The following TNR variants were observed in gnomAD, a reference collection of about 807,000 sequenced individuals.
TNR encodes the protein tenascin-R.
In TNR, 45 loss-of-function variants were observed where a neutral mutation model predicts 150.4. The ratio of observed to expected loss-of-function variants is 0.30; its 90% CI spans 0.24 to 0.38. The LOEUF (loss-of-function observed/expected upper bound fraction) is 0.38. Among genes scored for constraint, TNR ranks in the 10% least tolerant of loss-of-function variants. The pLI, the probability that TNR is intolerant of heterozygous loss-of-function variation, is 1.00. For missense variants in TNR, 1,544 were observed against 1,759.1 expected, an observed-to-expected ratio of 0.88 and a Z score of 2.19; for synonymous variants, 687 against 678.4, an observed-to-expected ratio of 1.01 and a Z score of -0.20.
At chr1:175,536,096 A>G (rs1187127839) in intron 1 of TNR, among the ~76,000 whole-genome samples, 7 of 152,252 alleles carry the variant, frequency 4.6e-5, no homozygotes, top group Non-Finnish European at 1.0e-4. Flanking sequence ...GTGTTAATAA[A>G]GAAACACATA....
chr1:175,539,623 C>A (rs1358497662), intron 1 of TNR, among the ~76,000 whole-genome samples: 1 of 152,202 alleles, frequency 6.6e-6, no homozygotes, highest in Non-Finnish European at 1.5e-5. Flanking sequence ...GACCCTCTCC[C>A]ATTTGCCTCA....
chr1:175,656,184 GTGTGTGTA>G lies in TNR; in HGVS notation c.-165+87034_-165+87041del, dbSNP rs1239694455. Among the ~76,000 whole-genome samples the G allele has an allele frequency of 7.4e-4, 108 of 145,838 alleles. 1 individual carries two copies. Among genetic ancestry groups the G allele is most frequent in the African/African-American group, 1.3e-3 (46 of 36,386 alleles). On this transcript the variant is annotated intron_variant, in intron 1 of 22. Transcript: ENST00000367674. ...TGTGTGTGTGTGTGTGTGTGTGTGTGTGTGTGTATGTGGTCTACCTTTTTCTAATTTGC... is the reference window on the plus strand; with the variant it reads ...TGTGTGTGTGTGTGTGTGTGTGTGTGTGTGGTCTACCTTTTTCTAATTTGC...
intron 20 of TNR, among the ~76,000 whole-genome samples, chr1:175,331,058 TTTC>T (rs1649798445): frequency 4.5e-4 from 52 of 116,248 alleles, no homozygotes; most frequent in African/African-American, 1.7e-3. Flanking sequence ...TCTTTCTTTC[TTTC>T]TTTCTTTCTT....
intron 2 of TNR, among the ~76,000 whole-genome samples, chr1:175,481,456 C>T (rs559577666): frequency 5.2e-4 from 79 of 152,208 alleles, no homozygotes; most frequent in Middle Eastern, 3.4e-3. Flanking sequence ...GTAAGACCCT[C>T]GTTGGAGGAA....
intron 22 of TNR, 91 bp downstream of exon 22, chr1:175,324,265 A>G: frequency 7.6e-7 from 1 of 1,324,196 alleles, no homozygotes; most frequent in Non-Finnish European, 1.0e-6. Context: ...AGGGAAATGA[A>G]GGACTCACAT....
In TNR at chr1:175,396,604, T is replaced by A. The variant is rs754167943; in HGVS notation, c.1180A>T (p.Ser394Cys). 8.7e-6 allele frequency: 14 copies of A among 1,614,230 alleles called. No homozygotes were observed. ...ATGTTGCTAATGACAGCGTAGACGC[T>A]GATGTTGTAGGTGAGACCTGGCTCC... ...ELEPGLTYNI[S>C]VYAVISNILS... The change falls in exon 5 of 23, where the codon AGC becomes TGC. Residue 394 changes from serine to cysteine, a missense_variant. Physicochemically the swap from Ser to Cys is moderately radical, Grantham distance 112 (BLOSUM62 -1). Coordinates refer to ENST00000367674, the MANE Select transcript of TNR (RefSeq NM_003285.3).
At chr1:175,448,921 G>C (rs1410597787) in intron 2 of TNR, among the ~76,000 whole-genome samples, 2 of 152,178 alleles carry the variant, frequency 1.3e-5, no homozygotes, top group Admixed American at 1.3e-4. Context: ...ACAGAAGAGT[G>C]GTCTGGTCAA....
rs372745443 is a variant in TNR at position 175,379,583 on chromosome 1, G to A, written c.1932C>T (p.Gly644=). The change falls in exon 9 of 23, where the codon GGC becomes GGT. Residue 644 remains glycine, a synonymous_variant. Coordinates refer to ENST00000367674, the MANE Select transcript of TNR (RefSeq NM_003285.3). ...GGGTGGCCCTGGTGGTTGGACCAAT[G>A]CCCCTGGGGACCAGTACCTCATGAT... ...EQYHEVLVPR[G]IGPTTRATLT... 6.2e-6 allele frequency: 10 copies of A among 1,613,850 alleles called. No individual in the cohort carries two copies. The highest frequency in any genetic ancestry group is 4.4e-5 in the South Asian group (4 of 91,060).
intron 2 of TNR, among the ~76,000 whole-genome samples, chr1:175,419,510 T>C (rs1654655706): frequency 6.6e-6 from 1 of 152,098 alleles, no homozygotes. Flanking sequence ...ATATCTGAAA[T>C]AACTTGTGCA....
intron 2 of TNR, among the ~76,000 whole-genome samples, chr1:175,427,888 CG>C (rs1353473227): frequency 4.7e-5 from 3 of 63,446 alleles, no homozygotes; most frequent in African/African-American, 1.5e-4. Context: ...CTCCCTTCTT[CG>C]CTTCCTTCCT....
intron 2 of TNR, among the ~76,000 whole-genome samples, chr1:175,430,941 A>C (rs1043896742): frequency 6.6e-6 from 1 of 152,216 alleles, no homozygotes; most frequent in South Asian, 2.1e-4. Context: ...AACTATTTAA[A>C]GTATTTTGGA....
chr1:175,529,356 T>C (rs1659975811), intron 1 of TNR, among the ~76,000 whole-genome samples: 1 of 152,150 alleles, frequency 6.6e-6, no homozygotes, highest in Admixed American at 6.5e-5. Flanking sequence ...AAATTAACCT[T>C]CCCTGGAGGA....
rs571785650 is a variant in TNR, at chr1:175,517,611, G to A, written c.-64+10658C>T. 3.3e-5 allele frequency among the ~76,000 whole-genome samples: 5 copies of A among 152,274 alleles called. No homozygotes were observed. In the South Asian group the frequency reaches 8.3e-4, roughly 25 times the overall value. On this transcript the variant is annotated intron_variant, in intron 2 of 22. Transcript: ENST00000367674. ...GTCCCCAATGGATAGAATTGGACTC[G>A]CCATGAGGTGAGACCTACGAATCTG...
At chr1:175,738,109 C>A (rs190250827) in intron 1 of TNR, among the ~76,000 whole-genome samples, 2 of 152,106 alleles carry the variant, frequency 1.3e-5, no homozygotes, top group African/African-American at 4.8e-5. Flanking sequence ...TATCCTCCTC[C>A]GTTTGCCTCC....
At chr1:175,397,059 AATTT>A (rs1653462224) in intron 4 of TNR, among the ~76,000 whole-genome samples, 1 of 152,172 alleles carries the variant, frequency 6.6e-6, no homozygotes, top group African/African-American at 2.4e-5. Context: ...CTGATTGTCA[AATTT>A]TCAGGACTGT....
At chr1:175,607,336 G>A (rs866192529) in intron 1 of TNR, among the ~76,000 whole-genome samples, 23 of 152,306 alleles carry the variant, frequency 1.5e-4, no homozygotes, top group Middle Eastern at 3.4e-3. Context: ...GGAATCCCTG[G>A]CACTACAGTC....
At chr1:175,659,707 C>A (rs1009926856) in intron 1 of TNR, among the ~76,000 whole-genome samples, 2 of 152,192 alleles carry the variant, frequency 1.3e-5, no homozygotes, top group African/African-American at 4.8e-5. Context: ...TTTCTCACAG[C>A]GTCATTCTGT....
chr1:175,573,912 T>G (rs890565655), intron 1 of TNR, among the ~76,000 whole-genome samples: 2 of 152,220 alleles, frequency 1.3e-5, no homozygotes, highest in African/African-American at 4.8e-5. Context: ...CAATAAGGCT[T>G]GGCATGAGCA....
At chr1:175,489,445 A>T (rs1375110203) in intron 2 of TNR, among the ~76,000 whole-genome samples, 1 of 152,182 alleles carries the variant, frequency 6.6e-6, no homozygotes, top group African/African-American at 2.4e-5. Flanking sequence ...GATCATCCCA[A>T]ACACCCTGTG....
Sources: gnomAD v4.1 joint callset for allele counts (sites outside exome capture counted in the v4.1 genomes callset) on GRCh38, gnomAD v4.1.1 for gene constraint, MANE v1.5 for transcripts, NCBI Gene and HGNC (gene_info 2026-07-23, HGNC 2026-07-21) for gene names.